KBTBD3: variants seen among roughly 807,000 people sequenced by gnomAD.
The protein encoded by KBTBD3 is kelch repeat and BTB domain containing 3.
Under a neutral mutation model 49.6 loss-of-function variants are expected in KBTBD3, and 38 were observed. That is an observed-to-expected ratio of 0.77 (90% CI 0.59 to 1.00). The LOEUF (loss-of-function observed/expected upper bound fraction) is 1.00. KBTBD3 is among the 50% of genes least tolerant of loss of function. KBTBD3 has a pLI of 0.00. For missense variants in KBTBD3, 661 were observed against 712.0 expected, an observed-to-expected ratio of 0.93 and a Z score of 0.81; for synonymous variants, 214 against 250.4, an observed-to-expected ratio of 0.85 and a Z score of 1.37.
At chr11:106,067,359 T>G (rs1164910396) in intron 2 of KBTBD3, among the ~76,000 whole-genome samples, 1 of 152,100 alleles carries the variant, frequency 6.6e-6, no homozygotes, top group South Asian at 2.1e-4. Flanking sequence ...ATCCCAACAC[T>G]TGGGGAGGCC....
intron 2 of KBTBD3, among the ~76,000 whole-genome samples, chr11:106,060,027 T>C (rs1053721073): frequency 6.6e-6 from 1 of 152,184 alleles, no homozygotes; most frequent in African/African-American, 2.4e-5. Context: ...TACAGGCAAA[T>C]GGCAGCTGTG....
chr11:106,075,775 C>T (rs548263593), intron 2 of KBTBD3, among the ~76,000 whole-genome samples: 2 of 152,154 alleles, frequency 1.3e-5, no homozygotes, highest in African/African-American at 2.4e-5. Context: ...AGATTTGGGC[C>T]TGAATGATAC....
At position 106,054,000 on chromosome 11, in the gene KBTBD3, C is replaced by T; in HGVS notation, c.689G>A (p.Arg230Lys). 1 of 1,613,796 alleles carries T rather than the reference C, an allele frequency of 6.2e-7. No individual in the cohort carries two copies. The highest frequency in any genetic ancestry group is 1.1e-5 in the South Asian group (1 of 91,072). The change falls in exon 4 of 4, where the codon AGG becomes AAG. Residue 230 changes from arginine (R) to lysine (K), a missense_variant. Physicochemically the swap from Arg to Lys is conservative, Grantham distance 26. Coordinates refer to ENST00000531837, the MANE Select transcript of KBTBD3 (RefSeq NM_198439.3). ...LSWTKHNLES[R>K]QKYLPHLIEK... ...AATCAAATGAGGCAGATACTTTTGC[C>T]TTGATTCTAAGTTATGTTTAGTCCA...
chr11:106,052,805 A>C lies in KBTBD3; in HGVS notation c.*45T>G. On this transcript the variant is annotated 3_prime_UTR_variant, in exon 4 of 4. Transcript: ENST00000531837. Reference sequence around the variant, plus strand: ...ATCTTTTTACCTATCATTTTGGTTAACAAATTTACTTTAGGTTACTAGAAC... The same window carrying C: ...ATCTTTTTACCTATCATTTTGGTTACCAAATTTACTTTAGGTTACTAGAAC... 6.7e-7 allele frequency: 1 copy of C among 1,497,018 alleles called. No homozygotes were observed. The highest frequency in any genetic ancestry group is 9.0e-7 in the Non-Finnish European group (1 of 1,106,246). 92.7% of individuals were successfully genotyped at this position (1,497,018 alleles called of 1,614,324 possible).
intron 2 of KBTBD3, among the ~76,000 whole-genome samples, chr11:106,071,381 T>G (rs1860914925): frequency 6.6e-6 from 1 of 152,148 alleles, no homozygotes; most frequent in Non-Finnish European, 1.5e-5. Flanking sequence ...ATGAAAATCA[T>G]GTATGTAATT....
At chr11:106,071,797 T>A (rs1218851688) in intron 2 of KBTBD3, among the ~76,000 whole-genome samples, 1 of 152,150 alleles carries the variant, frequency 6.6e-6, no homozygotes, top group Non-Finnish European at 1.5e-5. Flanking sequence ...GGCTTCCTCA[T>A]CTGCAAAGTG....
chr11:106,070,766 T>A (rs534169892), intron 2 of KBTBD3, among the ~76,000 whole-genome samples: 3 of 152,232 alleles, frequency 2.0e-5, no homozygotes, highest in Non-Finnish European at 4.4e-5. Context: ...ACATGTTTCA[T>A]AATGCTTCAT....
intron 2 of KBTBD3, among the ~76,000 whole-genome samples, chr11:106,073,160 C>T (rs909010308): frequency 6.6e-6 from 1 of 151,830 alleles, no homozygotes; most frequent in Non-Finnish European, 1.5e-5. Flanking sequence ...GTGGCAAGAT[C>T]ACAGCTCACT....
chr11:106,068,353 C>A (rs1348592195), intron 2 of KBTBD3, among the ~76,000 whole-genome samples: 3 of 152,178 alleles, frequency 2.0e-5, no homozygotes, highest in Non-Finnish European at 4.4e-5. Context: ...ACATAAACAT[C>A]TCCACACACT....
chr11:106,074,893 A>G (rs1299882153), intron 2 of KBTBD3, among the ~76,000 whole-genome samples: 1 of 152,186 alleles, frequency 6.6e-6, no homozygotes, highest in East Asian at 1.9e-4. Flanking sequence ...AGAATTATGG[A>G]GCTATTCAAA....
In KBTBD3 at chr11:106,076,585, C is replaced by T. The variant is rs1290970711; in HGVS notation, c.-91G>A. 6.6e-6 allele frequency: 1 copy of T among 152,116 alleles called. No homozygotes were observed. The highest frequency in any genetic ancestry group is 6.6e-5 in the Admixed American group (1 of 15,266). The allele number at this position is 152,116 out of a possible 1,614,324, so 9.4% of individuals were successfully genotyped here. On this transcript the variant is annotated 5_prime_UTR_variant, in exon 2 of 4. Coordinates refer to ENST00000531837, the MANE Select transcript of KBTBD3 (RefSeq NM_198439.3). ...GAATCCCGCAGTACCGCACTTTAAT[C>T]GACCTCCAGGTAGTCATTTACAGTC...
chr11:106,054,531 G>A, intron 3 of KBTBD3, 76 bp from the exon 4 acceptor site: 1 of 1,143,822 alleles, frequency 8.7e-7, no homozygotes, highest in Non-Finnish European at 1.2e-6. Flanking sequence ...CCTTAAAGAG[G>A]TTTCCTTACT....
chr11:106,068,349 A>G (rs1199993739), intron 2 of KBTBD3, among the ~76,000 whole-genome samples: 2 of 152,202 alleles, frequency 1.3e-5, no homozygotes, highest in Admixed American at 1.3e-4. Context: ...GATAACATAA[A>G]CATCTCCACA....
At chr11:106,063,911 CAG>C (rs1055634935) in intron 2 of KBTBD3, among the ~76,000 whole-genome samples, 1 of 152,014 alleles carries the variant, frequency 6.6e-6, no homozygotes, top group Non-Finnish European at 1.5e-5. Context: ...AGCCTGGTGA[CAG>C]AGAGAGACTC....
At chr11:106,074,121 C>CA (rs5794451) in intron 2 of KBTBD3, among the ~76,000 whole-genome samples, 90,949 of 148,716 alleles carry the variant, frequency 0.61, 32,338 homozygotes, top group Non-Finnish European at 0.78. Context: ...CACCCCCCCC[C>CA]ACACACATAC....
chr11:106,057,245 TA>T (rs1019610687), intron 3 of KBTBD3, among the ~76,000 whole-genome samples: 6 of 151,574 alleles, frequency 4.0e-5, no homozygotes, highest in East Asian at 1.9e-4. Flanking sequence ...TAGATGGTGG[TA>T]AAAAAAAATT....
chr11:106,057,114 T>C (rs1860568525), intron 3 of KBTBD3, among the ~76,000 whole-genome samples: 1 of 152,176 alleles, frequency 6.6e-6, no homozygotes, highest in Admixed American at 6.5e-5. Context: ...TTGCTCCCAA[T>C]TTCAAAGCAA....
rs1453987188 is a variant in KBTBD3, at chr11:106,058,864, C to A, written c.233+1G>T. 1 of 1,537,948 alleles carries A rather than the reference C, an allele frequency of 6.5e-7. No homozygotes were observed. Among genetic ancestry groups the A allele is most frequent in the Non-Finnish European group, 8.8e-7 (1 of 1,135,264 alleles). ...TCTGAGGCATAGACAAGGTAAAGTA[C>A]CTGAAAAAGTCACTGCATGCTGCTA... On this transcript the variant is annotated splice_donor_variant, in intron 3 of 3. Coordinates refer to ENST00000531837, the MANE Select transcript of KBTBD3 (RefSeq NM_198439.3). LOFTEE classifies it high-confidence loss of function.
intron 2 of KBTBD3, among the ~76,000 whole-genome samples, chr11:106,073,165 C>A (rs941833735): frequency 6.6e-6 from 1 of 151,968 alleles, no homozygotes; most frequent in Non-Finnish European, 1.5e-5. Flanking sequence ...AAGATCACAG[C>A]TCACTGAAGC....
Sources: allele counts gnomAD v4.1 joint callset (sites outside exome capture counted in the v4.1 genomes callset), GRCh38; gene constraint gnomAD v4.1.1; transcripts MANE v1.5; gene names NCBI Gene and HGNC (gene_info 2026-07-23, HGNC 2026-07-21).